NOMO3: variants seen among roughly 807,000 people sequenced by gnomAD.
NOMO3 encodes the protein NODAL modulator 3.
Under a neutral mutation model 69.9 loss-of-function variants are expected in NOMO3, and 15 were observed. The observed-to-expected ratio is 0.21, with a 90% CI of 0.14 to 0.33. NOMO3 has a LOEUF of 0.33. NOMO3 is among the 10% of genes least tolerant of loss of function. NOMO3 has a pLI of 1.00. For synonymous variants in NOMO3, 89 were observed against 301.9 expected, an observed-to-expected ratio of 0.29 and a Z score of 7.31; for missense variants, 218 against 761.0, an observed-to-expected ratio of 0.29 and a Z score of 8.39.
chr16:16,232,752 C>T lies in NOMO3; in HGVS notation c.86C>T (p.Ala29Val), dbSNP rs1311256329. 17 of 645,668 alleles carry T rather than the reference C, an allele frequency of 2.6e-5. No homozygotes were observed. Among genetic ancestry groups the T allele is most frequent in the Non-Finnish European group, 6.4e-6 (3 of 469,944 alleles). The allele number at this position is 645,668 out of a possible 1,614,324, so 40.0% of individuals were successfully genotyped here. Residue 29 changes from alanine to valine, a missense_variant, in exon 1 of 31, where the codon GCG becomes GTG. By Grantham distance (64) the Ala-to-Val change is moderately conservative. Coordinates refer to ENST00000399336, the MANE Select transcript of NOMO3 (RefSeq NM_001004067.4). Reference sequence around the variant, plus strand: ...CTGCTGCTGAGCGGCGTGGGGCCGGCGCACGGCTCGGAGGACATCGTGGTG... The same window carrying T: ...CTGCTGCTGAGCGGCGTGGGGCCGGTGCACGGCTCGGAGGACATCGTGGTG... ...VVLLLSGVGP[A>V]HGSEDIVVGC...
intron 2 of NOMO3, among the ~76,000 whole-genome samples, chr16:16,238,693 G>C (rs2049350491): frequency 7.0e-6 from 1 of 142,524 alleles, no homozygotes; most frequent in African/African-American, 2.9e-5. Flanking sequence ...TCTTCATCCA[G>C]AATGCATAGG....
In NOMO3 at chr16:16,264,705, G is replaced by A. The variant is rs1259008641; in HGVS notation, c.1670-338G>A. Among the ~76,000 whole-genome samples the A allele has an allele frequency of 4.3e-5, 6 of 138,784 alleles. No individual in the cohort carries two copies. The South Asian group carries it at 1.4e-3, about 32-fold the overall frequency. The allele number at this position is 138,784 out of a possible 152,430, so 91.0% of individuals were successfully genotyped here. A position where few individuals can be genotyped will look rare whatever the true frequency, so the allele number is the denominator to read the frequency against. Reference sequence around the variant, plus strand: ...TGGGATTACAGGCATGCACCACCATGCCTGGATAACTTTTGTATTTTTAGT... The same window carrying A: ...TGGGATTACAGGCATGCACCACCATACCTGGATAACTTTTGTATTTTTAGT... On this transcript the variant is annotated intron_variant, in intron 14 of 30. Transcript: ENST00000399336.
intron 15 of NOMO3, among the ~76,000 whole-genome samples, chr16:16,265,958 G>A (rs2049616145): frequency 6.9e-6 from 1 of 145,374 alleles, no homozygotes; most frequent in Non-Finnish European, 1.5e-5. Context: ...GCCTCGCAGA[G>A]TGCTAGGATT....
chr16:16,252,307 G>T, intron 8 of NOMO3, 126 bp from the exon 9 acceptor site: 1 of 1,497,284 alleles, frequency 6.7e-7, no homozygotes, highest in Non-Finnish European at 9.1e-7. Flanking sequence ...ATCTGCAACA[G>T]TTATGATGAA....
intron 3 of NOMO3, among the ~76,000 whole-genome samples, chr16:16,242,925 G>A (rs1339377572): frequency 7.0e-6 from 1 of 142,810 alleles, no homozygotes; most frequent in Non-Finnish European, 1.5e-5. Flanking sequence ...CTCTAAACAC[G>A]AATTCCCTCT....
chr16:16,263,326 C>T lies in NOMO3; in HGVS notation c.1537+111C>T, dbSNP rs190997567. 256 of 1,584,352 alleles carry T rather than the reference C, an allele frequency of 1.6e-4. 42 individuals carry two copies. The African/African-American group carries it at 2.8e-3, about 17-fold the overall frequency. ...TTTGTTGTTTGCTACTGATCACCTG[C>T]GTGCGAGGGAGGCTTCTTGGAGTCA... On this transcript the variant is annotated intron_variant, in intron 13 of 30. Transcript: ENST00000399336.
In NOMO3 at chr16:16,261,665, T is replaced by C; in HGVS notation, c.1384T>C (p.Tyr462His). 1 of 1,585,384 alleles carries C rather than the reference T, an allele frequency of 6.3e-7. No homozygotes were observed. ...TTGTTTTAAAGCAAACCCAGGGACT[T>C]ACAAAGTGCAGGTGCGATGCATTGT... ...SFCFKANPGT[Y>H]KVQVMVPEAE... Residue 462 changes from tyrosine to histidine, a missense_variant, in exon 12 of 31, where the codon TAC (tyrosine) becomes CAC (histidine). Tyr to His is a moderately conservative substitution (Grantham distance 83). Coordinates refer to ENST00000399336, the MANE Select transcript of NOMO3 (RefSeq NM_001004067.4).
intron 11 of NOMO3, chr16:16,261,096 G>C (rs1254286737): frequency 1.4e-5 from 3 of 209,166 alleles, no homozygotes; most frequent in Non-Finnish European, 2.7e-5. Context: ...TTCTTAGGCA[G>C]CTTAGAGCTC....
intron 3 of NOMO3, among the ~76,000 whole-genome samples, chr16:16,241,177 C>T (rs1339403483): frequency 2.8e-5 from 4 of 144,828 alleles, no homozygotes; most frequent in Non-Finnish European, 4.4e-5. Context: ...TTAGCCATCC[C>T]GCCCCACCCT....
chr16:16,255,906 A>G, intron 10 of NOMO3, 81 bp downstream of exon 10: 1 of 1,483,980 alleles, frequency 6.7e-7, no homozygotes, highest in Non-Finnish European at 9.0e-7. Flanking sequence ...ACTGATGACT[A>G]TATGAGAACA....
intron 1 of NOMO3, among the ~76,000 whole-genome samples, 156 bp from the exon 2 acceptor site, chr16:16,236,745 T>C (rs1236122071): frequency 7.0e-6 from 1 of 143,810 alleles, no homozygotes; most frequent in Non-Finnish European, 1.5e-5. Flanking sequence ...GAGAGTTTGT[T>C]GATTTCCCTC....
intron 2 of NOMO3, among the ~76,000 whole-genome samples, chr16:16,237,239 G>A (rs2049333896): frequency 6.9e-6 from 1 of 144,706 alleles, no homozygotes; most frequent in Non-Finnish European, 1.5e-5. Flanking sequence ...ATCTGTGGCT[G>A]TGCGCTACAG....
chr16:16,263,213 TG>T lies in NOMO3; in HGVS notation c.1537+1del, dbSNP rs764654872. 1 of 1,594,020 alleles carries T rather than the reference TG, an allele frequency of 6.3e-7. No homozygotes were observed. Among genetic ancestry groups the T allele is most frequent in the East Asian group, 2.5e-5 (1 of 40,754 alleles). ...TCAGTTTCTGGGAAAGTCTCTTGTT[TG>T]GGTAAGATATCACTGGAAAGTAAGA... Reference protein sequence around the residue: ...LASVSGKVSCLDTCGDLLVTL... With the variant: ...LASVSGKVSCXDTCGDLLVTL... On this transcript the variant is annotated frameshift_variant and splice_region_variant, in exon 13 of 31. Coordinates refer to ENST00000399336, the MANE Select transcript of NOMO3 (RefSeq NM_001004067.4). LOFTEE classifies it high-confidence loss of function.
intron 4 of NOMO3, among the ~76,000 whole-genome samples, chr16:16,244,150 C>T (rs1272409864): frequency 2.1e-5 from 3 of 141,990 alleles, no homozygotes; most frequent in African/African-American, 8.7e-5. Flanking sequence ...CCTTCCTGTC[C>T]TTCTCTTCAT....
chr16:16,266,489 A>G (rs1374823161), intron 15 of NOMO3: 1 of 223,174 alleles, frequency 4.5e-6, no homozygotes, highest in African/African-American at 4.5e-5. Context: ...CTGCAGTCCC[A>G]CACCAAGCTC....
Position 16,258,262 on chromosome 16 carries a change from T to C in NOMO3, c.1220+2104T>C, listed in dbSNP as rs536274790. On this transcript the variant is annotated intron_variant, in intron 11 of 30. Transcript: ENST00000399336. The stretch of plus-strand genomic sequence containing the variant: ...AAAAGACAAAAAAGACAAATACATT[T>C]ATGCTGCTAAATTATGGCAAATGTT... Among the ~76,000 whole-genome samples, 8 of 139,412 alleles carry C rather than the reference T, an allele frequency of 5.7e-5. 1 individual carries two copies. The highest frequency in any genetic ancestry group is 1.2e-4 in the Non-Finnish European group (8 of 66,320). The allele number at this position is 139,412 out of a possible 152,430, so 91.5% of individuals were successfully genotyped here.
intron 6 of NOMO3, among the ~76,000 whole-genome samples, chr16:16,249,514 G>A (rs2049444941): frequency 7.4e-6 from 1 of 134,998 alleles, no homozygotes; most frequent in African/African-American, 3.3e-5. Flanking sequence ...CCTGGGAGGT[G>A]GAGGTAGCAG....
rs1393997362 is a variant in NOMO3, at chr16:16,237,825, C to T, written c.255+835C>T. On this transcript the variant is annotated intron_variant, in intron 2 of 30. Coordinates refer to ENST00000399336, the MANE Select transcript of NOMO3 (RefSeq NM_001004067.4). ...TCAGCCTCCCAAAGTGCTGGGATTA[C>T]AGGTGTGAGCCGATGTTTCCGGCCC... Among the ~76,000 whole-genome samples, 13 of 144,656 alleles carry T rather than the reference C, an allele frequency of 9.0e-5. 3 individuals are homozygous for T. Among genetic ancestry groups the T allele is most frequent in the Non-Finnish European group, 1.9e-4 (13 of 67,544 alleles). The allele number at this position is 144,656 out of a possible 152,430, so 94.9% of individuals were successfully genotyped here. A position where few individuals can be genotyped will look rare whatever the true frequency, so the allele number is the denominator to read the frequency against.
chr16:16,242,293 AT>A lies in NOMO3; in HGVS notation c.302-861del, dbSNP rs1223644598. On this transcript the variant is annotated intron_variant, in intron 3 of 30. Coordinates refer to ENST00000399336, the MANE Select transcript of NOMO3 (RefSeq NM_001004067.4). ...TGAAAATCTCATCTCATGGTTTTCCATTTTTTTCTCTACTCATTACTCCATA... is the reference window on the plus strand; with the variant it reads ...TGAAAATCTCATCTCATGGTTTTCCATTTTTTCTCTACTCATTACTCCATA... Among the ~76,000 whole-genome samples the A allele has an allele frequency of 2.6e-5, 3 of 115,376 alleles. 1 individual carries two copies. The East Asian group carries it at 9.4e-4, about 36-fold the overall frequency. The allele number at this position is 115,376 out of a possible 152,430, so 75.7% of individuals were successfully genotyped here. A position where few individuals can be genotyped will look rare whatever the true frequency, so the allele number is the denominator to read the frequency against.
Sources: gnomAD v4.1 joint callset for allele counts (sites outside exome capture counted in the v4.1 genomes callset) on GRCh38, gnomAD v4.1.1 for gene constraint, MANE v1.5 for transcripts, NCBI Gene and HGNC (gene_info 2026-07-23, HGNC 2026-07-21) for gene names.